THRAP3: variants seen among roughly 807,000 people sequenced by gnomAD.
The protein encoded by THRAP3 is thyroid hormone receptor-associated protein 3.
Under a neutral mutation model 101.0 loss-of-function variants are expected in THRAP3, and 16 were observed. That is an observed-to-expected ratio of 0.16 (90% CI 0.11 to 0.24). The LOEUF (loss-of-function observed/expected upper bound fraction) is 0.24, where lower values mean the gene tolerates loss of function less well. THRAP3 is among the 10% of genes least tolerant of loss of function. The pLI, the probability that THRAP3 is intolerant of heterozygous loss-of-function variation, is 1.00. For missense variants in THRAP3, 989 were observed against 1,202.7 expected, an observed-to-expected ratio of 0.82 and a Z score of 2.63; for synonymous variants, 407 against 422.6, an observed-to-expected ratio of 0.96 and a Z score of 0.45.
intron 1 of THRAP3, among the ~76,000 whole-genome samples, chr1:36,257,043 C>G (rs993842286): frequency 7.9e-5 from 12 of 152,056 alleles, no homozygotes; most frequent in African/African-American, 2.7e-4. Flanking sequence ...GTGATCTGCC[C>G]GCCTCGGCCT....
intron 7 of THRAP3, 62 bp downstream of exon 7, chr1:36,292,771 C>A: frequency 1.5e-6 from 2 of 1,291,084 alleles, no homozygotes; most frequent in South Asian, 1.3e-5. Flanking sequence ...ACATTAAACT[C>A]ACCTTGTTAA....
At chr1:36,293,101 T>C (rs775647131) in intron 7 of THRAP3, among the ~76,000 whole-genome samples, 69 of 125,298 alleles carry the variant, frequency 5.5e-4, no homozygotes, top group Non-Finnish European at 7.0e-4. Context: ...CAATCTCGGC[T>C]CACTGCAACC....
chr1:36,268,052 C>A (rs1645536128), intron 2 of THRAP3, among the ~76,000 whole-genome samples: 1 of 151,808 alleles, frequency 6.6e-6, no homozygotes, highest in African/African-American at 2.4e-5. Flanking sequence ...TGGTAGCACG[C>A]AGCTGTAATC....
rs1185740463 is a variant in THRAP3 at position 36,224,505 on chromosome 1, G to C, written c.-135G>C. On this transcript the variant is annotated splice_region_variant and 5_prime_UTR_variant, in exon 1 of 12. Coordinates refer to ENST00000354618, the MANE Select transcript of THRAP3 (RefSeq NM_005119.4). Reference sequence around the variant, plus strand: ...AGCTGCGATCTCTGTGGTAGGCCCAGGTGAGTGAGCGCCTCTGATGGAAGT... The same window carrying C: ...AGCTGCGATCTCTGTGGTAGGCCCACGTGAGTGAGCGCCTCTGATGGAAGT... 2 of 152,622 alleles carry C rather than the reference G, an allele frequency of 1.3e-5. No homozygotes were observed. The allele number at this position is 152,622 out of a possible 1,614,324, so 9.5% of individuals were successfully genotyped here. A position where few individuals can be genotyped will look rare whatever the true frequency, so the allele number is the denominator to read the frequency against.
Position 36,304,224 on chromosome 1 carries a change from C to A in THRAP3, c.*207C>A. ...CTGGCCATGGGGCCCAGGGGTCAGG[C>A]CCAGCTTTTGAGCAGAATACAACGC... On this transcript the variant is annotated 3_prime_UTR_variant, in exon 12 of 12. Transcript: ENST00000354618. The A allele has an allele frequency of 4.7e-6, 3 of 643,348 alleles. No homozygotes were observed. The highest frequency in any genetic ancestry group is 7.2e-6 in the Non-Finnish European group (3 of 417,226). 39.9% of individuals were successfully genotyped at this position (643,348 alleles called of 1,614,324 possible).
the THRAP3 span, among the ~76,000 whole-genome samples, chr1:36,208,913 T>A: frequency 1.3e-5 from 2 of 149,268 alleles, no homozygotes; most frequent in African/African-American, 2.5e-5. Context: ...GTGATCTGCC[T>A]GCCTTGGCCT....
intron 1 of THRAP3, among the ~76,000 whole-genome samples, chr1:36,251,416 C>T (rs1047233154): frequency 4.6e-5 from 7 of 152,112 alleles, no homozygotes; most frequent in East Asian, 1.9e-4. Context: ...TAGGTAGAAA[C>T]GTTCAGGTGC....
At chr1:36,213,058 C>T in the THRAP3 span, among the ~76,000 whole-genome samples, 4 of 152,120 alleles carry the variant, frequency 2.6e-5, no homozygotes, top group African/African-American at 4.8e-5. Context: ...AAGGCTGGTA[C>T]GACATGGAGG....
In THRAP3 at chr1:36,280,142, C is replaced by T. The variant is rs932132412; in HGVS notation, c.-31-2391C>T. Among the ~76,000 whole-genome samples, 4 of 152,252 alleles carry T rather than the reference C, an allele frequency of 2.6e-5. No individual in the cohort carries two copies. The South Asian group carries it at 8.3e-4, about 32-fold the overall frequency. On this transcript the variant is annotated intron_variant, in intron 2 of 11. Coordinates refer to ENST00000354618, the MANE Select transcript of THRAP3 (RefSeq NM_005119.4). ...TGAATGAATTAATGAATGAGCAAGTCGATCGTGGTTTGGATTTTGGCAGTA... is the reference window on the plus strand; with the variant it reads ...TGAATGAATTAATGAATGAGCAAGTTGATCGTGGTTTGGATTTTGGCAGTA...
chr1:36,284,516 A>G (rs1015948445), intron 3 of THRAP3, among the ~76,000 whole-genome samples: 1 of 152,248 alleles, frequency 6.6e-6, no homozygotes, highest in African/African-American at 2.4e-5. Flanking sequence ...CTGCAAGGAA[A>G]GTATCTATCC....
the THRAP3 span, among the ~76,000 whole-genome samples, chr1:36,216,941 A>G: frequency 6.6e-6 from 1 of 152,140 alleles, no homozygotes; most frequent in African/African-American, 2.4e-5. Flanking sequence ...CTCATCCATT[A>G]GTAATTAATT....
At chr1:36,272,247 A>T (rs1048642868) in intron 2 of THRAP3, among the ~76,000 whole-genome samples, 1 of 152,138 alleles carries the variant, frequency 6.6e-6, no homozygotes, top group Admixed American at 6.5e-5. Flanking sequence ...CATCACCCCC[A>T]CTTTTTAGGA....
At chr1:36,223,535 G>A (rs1417358626), upstream of THRAP3, among the ~76,000 whole-genome samples, 2 of 152,194 alleles carry the variant, frequency 1.3e-5, no homozygotes, top group African/African-American at 2.4e-5. Flanking sequence ...CATCACAGAT[G>A]ACCTATGAGA....
At chr1:36,223,073 C>G (rs188613580), upstream of THRAP3, among the ~76,000 whole-genome samples, 111 of 152,040 alleles carry the variant, frequency 7.3e-4, 1 homozygote, top group East Asian at 0.013. Context: ...GTTGCAGTGA[C>G]CCAAAATCGC....
intron 1 of THRAP3, among the ~76,000 whole-genome samples, chr1:36,255,324 G>A (rs1645358903): frequency 6.6e-6 from 1 of 152,098 alleles, no homozygotes; most frequent in African/African-American, 2.4e-5. Context: ...ATGTTCTGTA[G>A]TTCTCAATAA....
At chr1:36,248,445 C>T (rs546005625) in intron 1 of THRAP3, among the ~76,000 whole-genome samples, 3 of 87,338 alleles carry the variant, frequency 3.4e-5, no homozygotes, top group East Asian at 7.6e-4. Flanking sequence ...CAGCCTCAGC[C>T]TCTTTTTTTT....
At chr1:36,265,015 T>G (rs1483397773) in intron 2 of THRAP3, among the ~76,000 whole-genome samples, 1 of 152,092 alleles carries the variant, frequency 6.6e-6, no homozygotes, top group Non-Finnish European at 1.5e-5. Context: ...AAATTTCCCC[T>G]TTTTATAAGC....
At chr1:36,296,874 T>A in intron 9 of THRAP3, 104 bp downstream of exon 9, 1 of 874,072 alleles carries the variant, frequency 1.1e-6, no homozygotes, top group Non-Finnish European at 1.6e-6. Flanking sequence ...GGGTTAGTAA[T>A]TATAGCAACC....
At chr1:36,276,923 C>A (rs1199364999) in intron 2 of THRAP3, among the ~76,000 whole-genome samples, 2 of 152,060 alleles carry the variant, frequency 1.3e-5, no homozygotes, top group African/African-American at 4.8e-5. Context: ...ACTTGCAAGT[C>A]ATACATCCAA....
Sources: allele counts gnomAD v4.1 joint callset (sites outside exome capture counted in the v4.1 genomes callset), GRCh38; gene constraint gnomAD v4.1.1; transcripts MANE v1.5; gene names NCBI Gene and HGNC (gene_info 2026-07-23, HGNC 2026-07-21).